The following STK33 variants were observed in gnomAD, a reference collection of about 807,000 sequenced individuals.
STK33 encodes the protein serine/threonine-protein kinase 33.
STK33 carries 52 observed loss-of-function variants against 58.0 expected under a neutral mutation model. The observed-to-expected ratio is 0.90, with a 90% CI of 0.72 to 1.13. The LOEUF is 1.13. STK33 is among the 50% of genes most tolerant of loss of function. The pLI, the probability that STK33 is intolerant of heterozygous loss-of-function variation, is 0.00. For missense variants in STK33, 630 were observed against 604.2 expected (o/e 1.04, Z -0.45); for synonymous variants, 215 against 200.1 (o/e 1.07, Z -0.63).
the STK33 span, among the ~76,000 whole-genome samples, chr11:8,348,491 A>T: frequency 2.0e-5 from 3 of 152,178 alleles, no homozygotes; most frequent in Non-Finnish European, 4.4e-5. Flanking sequence ...GCATGAGGGT[A>T]ACTGCCCCCA....
chr11:8,444,811 G>A (rs1033997661), intron 11 of STK33, among the ~76,000 whole-genome samples: 2 of 152,024 alleles, frequency 1.3e-5, no homozygotes, highest in East Asian at 3.9e-4. Flanking sequence ...AAAAGCAGCA[G>A]AACCAAAAAA....
At chr11:8,516,092 C>A (rs1952757913) in intron 1 of STK33, among the ~76,000 whole-genome samples, 1 of 152,206 alleles carries the variant, frequency 6.6e-6, no homozygotes, top group African/African-American at 2.4e-5. Context: ...CAAAAGACCA[C>A]AAATTGCTAA....
At chr11:8,564,164 G>A (rs1024172029) in intron 1 of STK33, among the ~76,000 whole-genome samples, 1 of 152,152 alleles carries the variant, frequency 6.6e-6, no homozygotes, top group Non-Finnish European at 1.5e-5. Flanking sequence ...CAGGCCAGCT[G>A]GAAAGCTATC....
At chr11:8,521,975 C>T (rs1484228569) in intron 1 of STK33, among the ~76,000 whole-genome samples, 4 of 152,060 alleles carry the variant, frequency 2.6e-5, no homozygotes, top group Non-Finnish European at 4.4e-5. Flanking sequence ...AGTCAGGAAA[C>T]AACAGATACT....
chr11:8,454,803 T>A lies in STK33; in HGVS notation c.727A>T (p.Asn243Tyr). 1 of 1,569,752 alleles carries A rather than the reference T, an allele frequency of 6.4e-7. No homozygotes were observed. Among genetic ancestry groups the A allele is most frequent in the Non-Finnish European group, 8.7e-7 (1 of 1,154,196 alleles). Residue 243 changes from asparagine (N) to tyrosine (Y), a missense_variant, in exon 10 of 16, where the codon AAT (asparagine) becomes TAT (tyrosine). Coordinates refer to ENST00000687296, the MANE Select transcript of STK33 (RefSeq NM_001352389.2). ...ATAAGACTGCTTTTAACCATTATAT[T>A]TTCCAGTTTCAGATCTCTATGTACA... ...DIVHRDLKLE[N>Y]IMVKSSLIDD...
chr11:8,471,223 C>T (rs1948745135), intron 6 of STK33, among the ~76,000 whole-genome samples: 2 of 152,084 alleles, frequency 1.3e-5, no homozygotes, highest in Non-Finnish European at 2.9e-5. Context: ...TAAATAGAAC[C>T]ACAATTTGAA....
the STK33 span, among the ~76,000 whole-genome samples, chr11:8,376,151 T>A: frequency 6.6e-6 from 1 of 152,114 alleles, no homozygotes; most frequent in South Asian, 2.1e-4. Flanking sequence ...AGCCCAAGCA[T>A]CACTGAGCGA....
chr11:8,450,452 T>C (rs1047039913), intron 11 of STK33, among the ~76,000 whole-genome samples: 2 of 152,036 alleles, frequency 1.3e-5, no homozygotes, highest in African/African-American at 4.8e-5. Flanking sequence ...AAATACCTAA[T>C]GTAGATGATG....
Position 8,413,707 on chromosome 11 carries a change from C to A in STK33, c.1147-15G>T. Reference sequence around the variant, plus strand: ...AGTTTATTGCCCTAATATTAACAATCAATTTTTGGTGTTATAAACAACTTA... The same window carrying A: ...AGTTTATTGCCCTAATATTAACAATAAATTTTTGGTGTTATAAACAACTTA... On this transcript the variant is annotated splice_polypyrimidine_tract_variant and intron_variant, in intron 14 of 15. Coordinates refer to ENST00000687296, the MANE Select transcript of STK33 (RefSeq NM_001352389.2). 6.2e-7 allele frequency: 1 copy of A among 1,609,094 alleles called. No individual in the cohort carries two copies. The highest frequency in any genetic ancestry group is 1.1e-5 in the South Asian group (1 of 90,518).
At chr11:8,563,953 T>C (rs11041989) in intron 1 of STK33, among the ~76,000 whole-genome samples, 9,019 of 152,138 alleles carry the variant, frequency 0.059, 504 homozygotes, top group African/African-American at 0.15. Context: ...AAGAGCTACA[T>C]TGCTGTCAGT....
intron 9 of STK33, among the ~76,000 whole-genome samples, chr11:8,456,746 G>A (rs372116754): frequency 6.6e-6 from 1 of 152,236 alleles, no homozygotes; most frequent in Non-Finnish European, 1.5e-5. Context: ...AAAGTACTGT[G>A]AAACCACTCT....
chr11:8,342,176 C>T, the STK33 span, among the ~76,000 whole-genome samples: 1 of 152,334 alleles, frequency 6.6e-6, no homozygotes, highest in Non-Finnish European at 1.5e-5. Flanking sequence ...CAAAGATATT[C>T]TCATTTGTGA....
Position 8,392,383 on chromosome 11 carries a change from G to A in STK33, c.*127C>T. The A allele has an allele frequency of 9.3e-7, 1 of 1,076,272 alleles. No homozygotes were observed. Among genetic ancestry groups the A allele is most frequent in the Non-Finnish European group, 1.4e-6 (1 of 730,242 alleles). 66.7% of individuals were successfully genotyped at this position (1,076,272 alleles called of 1,614,324 possible). ...CAATTTTAAGCTGGTGCAAACACAT[G>A]GCGGGGCTCTGTGGAGCTAAAAGGC... is the stretch of plus-strand genomic sequence containing the variant. On this transcript the variant is annotated 3_prime_UTR_variant, in exon 16 of 16. Transcript: ENST00000687296.
the STK33 span, among the ~76,000 whole-genome samples, chr11:8,352,950 C>G: frequency 6.6e-6 from 1 of 152,206 alleles, no homozygotes; most frequent in Non-Finnish European, 1.5e-5. Context: ...GAAATCAGAG[C>G]CCAGGCTCAT....
chr11:8,520,775 T>C (rs1953345958), intron 1 of STK33, among the ~76,000 whole-genome samples: 1 of 151,854 alleles, frequency 6.6e-6, no homozygotes, highest in Non-Finnish European at 1.5e-5. Flanking sequence ...AACCTAGGAA[T>C]CCAACCTACA....
intron 14 of STK33, among the ~76,000 whole-genome samples, chr11:8,414,649 A>C (rs796696864): frequency 1.1e-4 from 17 of 152,298 alleles, no homozygotes; most frequent in African/African-American, 3.6e-4. Context: ...AAAGACATAG[A>C]CAAACACTAA....
Position 8,533,088 on chromosome 11 carries a change from A to C in STK33, c.-465-52474T>G, listed in dbSNP as rs142537260. ...TATGAATAATGTTTCAAATGCTATAAACCAACATTTTATCAGTTGAAAATG... is the reference window on the plus strand; with the variant it reads ...TATGAATAATGTTTCAAATGCTATACACCAACATTTTATCAGTTGAAAATG... On this transcript the variant is annotated intron_variant, in intron 1 of 15. Coordinates refer to ENST00000687296, the MANE Select transcript of STK33 (RefSeq NM_001352389.2). 7.3e-3 allele frequency among the ~76,000 whole-genome samples: 1,115 copies of C among 152,330 alleles called. 10 individuals carry two copies. Among genetic ancestry groups the C allele is most frequent in the Middle Eastern group, 0.048 (14 of 294 alleles).
At chr11:8,357,844 G>A in the STK33 span, among the ~76,000 whole-genome samples, 1 of 152,222 alleles carries the variant, frequency 6.6e-6, no homozygotes, top group Non-Finnish European at 1.5e-5. Context: ...CAGCTCAGAT[G>A]AGCTCACACC....
At chr11:8,508,488 T>C (rs1452844711) in intron 1 of STK33, among the ~76,000 whole-genome samples, 2 of 151,964 alleles carry the variant, frequency 1.3e-5, no homozygotes, top group African/African-American at 4.8e-5. Flanking sequence ...CCCAGGCTAT[T>C]CTCAAACTCC....
Sources: gnomAD v4.1 joint callset for allele counts (sites outside exome capture counted in the v4.1 genomes callset) on GRCh38, gnomAD v4.1.1 for gene constraint, MANE v1.5 for transcripts, NCBI Gene and HGNC (gene_info 2026-07-23, HGNC 2026-07-21) for gene names.